ACAP2: variants seen among roughly 807,000 people sequenced by gnomAD.
ACAP2 encodes arf-GAP with coiled-coil, ANK repeat and PH domain-containing protein 2.
ACAP2 carries 39 observed loss-of-function variants against 115.8 expected under a neutral mutation model. The ratio of observed to expected loss-of-function variants is 0.34; its 90% confidence interval spans 0.26 to 0.44. ACAP2 has a LOEUF of 0.44. ACAP2 is among the 20% of genes least tolerant of loss of function. The pLI, the probability that ACAP2 is intolerant of heterozygous loss-of-function variation, is 1.00. For synonymous variants in ACAP2, 289 were observed against 315.8 expected, an observed-to-expected ratio of 0.92 and a Z score of 0.90; for missense variants, 662 against 927.6, an observed-to-expected ratio of 0.71 and a Z score of 3.72.
chr3:195,312,231 C>A (rs1262509725), intron 10 of ACAP2, among the ~76,000 whole-genome samples: 2 of 151,876 alleles, frequency 1.3e-5, no homozygotes, highest in Non-Finnish European at 2.9e-5. Context: ...CATGTAAGTG[C>A]CAAATAGGTA....
intron 1 of ACAP2, among the ~76,000 whole-genome samples, chr3:195,438,029 C>CTTT (rs1343731977): frequency 9.7e-6 from 1 of 103,258 alleles, no homozygotes; most frequent in Admixed American, 1.0e-4. Context: ...CAAGAATTTT[C>CTTT]TTTTTTTTTT....
rs11411412 is a variant in ACAP2, at chr3:195,337,446, C to CTTTTT, written c.529-475_529-471dup. Among the ~76,000 whole-genome samples the CTTTTT allele has an allele frequency of 4.3e-4, 56 of 131,518 alleles. No individual in the cohort carries two copies. In the Middle Eastern group the frequency reaches 0.016, roughly 37 times the overall value. 86.3% of individuals were successfully genotyped at this position (131,518 alleles called of 152,430 possible). On this transcript the variant is annotated intron_variant, in intron 6 of 22. Coordinates refer to ENST00000326793, the MANE Select transcript of ACAP2 (RefSeq NM_012287.6). Reference sequence around the variant, plus strand: ...CATTATACACACGGCAACCAGTCATCTTTTTTTTTTTTTTTTTTTGACACA... The same window carrying CTTTTT: ...CATTATACACACGGCAACCAGTCATCTTTTTTTTTTTTTTTTTTTTTTTTGACACA...
At chr3:195,318,953 G>A (rs79174975) in intron 10 of ACAP2, among the ~76,000 whole-genome samples, 3,497 of 152,242 alleles carry the variant, frequency 0.023, 136 homozygotes, top group African/African-American at 0.079. Context: ...AAACCTAGGA[G>A]GGAAAAAATA....
chr3:195,426,217 TTA>T (rs1714675584), intron 1 of ACAP2, among the ~76,000 whole-genome samples: 1 of 152,156 alleles, frequency 6.6e-6, no homozygotes, highest in African/African-American at 2.4e-5. Flanking sequence ...CCCTGAGGCT[TTA>T]ATCTACAAGC....
At position 195,275,794 on chromosome 3, in the gene ACAP2, G is replaced by A. The variant is rs1726167749; in HGVS notation, c.*3534C>T. ...TGAGAATCCAGTGAGATAAAGCAAT[G>A]CCAAGTACACTGTAAGTAGCAAAAC... On this transcript the variant is annotated 3_prime_UTR_variant, in exon 23 of 23. Transcript: ENST00000326793. 1 of 152,204 alleles carries A rather than the reference G, an allele frequency of 6.6e-6. No homozygotes were observed. The highest frequency in any genetic ancestry group is 2.4e-5 in the African/African-American group (1 of 41,432). The allele number at this position is 152,204 out of a possible 1,614,324, so 9.4% of individuals were successfully genotyped here. A position where few individuals can be genotyped will look rare whatever the true frequency, so the allele number is the denominator to read the frequency against.
chr3:195,427,648 T>C (rs547911952), intron 1 of ACAP2, among the ~76,000 whole-genome samples: 1 of 152,200 alleles, frequency 6.6e-6, no homozygotes, highest in African/African-American at 2.4e-5. Context: ...AGTGGCTCAC[T>C]CCTGTAATCC....
intron 6 of ACAP2, among the ~76,000 whole-genome samples, chr3:195,340,694 T>C (rs911594644): frequency 6.6e-6 from 1 of 152,112 alleles, no homozygotes; most frequent in African/African-American, 2.4e-5. Context: ...AATAGTCAAG[T>C]TGGTTAAAAA....
At chr3:195,376,206 C>T (rs1234293761) in intron 4 of ACAP2, among the ~76,000 whole-genome samples, 2 of 152,056 alleles carry the variant, frequency 1.3e-5, no homozygotes, top group African/African-American at 4.8e-5. Flanking sequence ...CCAGCCTGGC[C>T]AACATGGTGA....
intron 1 of ACAP2, among the ~76,000 whole-genome samples, chr3:195,401,504 A>C (rs549774600): frequency 6.6e-6 from 1 of 152,266 alleles, no homozygotes; most frequent in South Asian, 2.1e-4. Context: ...GTCTGTACTA[A>C]AAATACAAAA....
chr3:195,427,715 G>C (rs1485050320), intron 1 of ACAP2, among the ~76,000 whole-genome samples: 2 of 152,084 alleles, frequency 1.3e-5, no homozygotes, highest in African/African-American at 4.8e-5. Context: ...TTTGAGACCA[G>C]CCTGGGCAAC....
chr3:195,310,630 C>G (rs1728703712), intron 10 of ACAP2, among the ~76,000 whole-genome samples: 1 of 152,194 alleles, frequency 6.6e-6, no homozygotes, highest in Non-Finnish European at 1.5e-5. Flanking sequence ...TTTCACGCTT[C>G]TGAGGTCTTC....
intron 1 of ACAP2, among the ~76,000 whole-genome samples, chr3:195,436,297 G>A (rs759459902): frequency 1.3e-5 from 2 of 150,924 alleles, no homozygotes; most frequent in Admixed American, 6.6e-5. Flanking sequence ...CCCAGCCAAC[G>A]GTTTTTTTGT....
rs372811668 is a variant in ACAP2, at chr3:195,433,301, ATTGT to A, written c.53+9490_53+9493del. Among the ~76,000 whole-genome samples, 710 of 152,178 alleles carry A rather than the reference ATTGT, an allele frequency of 4.7e-3. 5 individuals are homozygous for A. The highest frequency in any genetic ancestry group is 0.016 in the African/African-American group (670 of 41,514). ...TTGTACTTTGTTATCGTTATTTTTT[ATTGT>A]TTTTTTCCAAAATATTCTCAATCCA... is the stretch of plus-strand genomic sequence containing the variant. On this transcript the variant is annotated intron_variant, in intron 1 of 22. Transcript: ENST00000326793.
At chr3:195,322,749 G>A (rs1729532327) in intron 9 of ACAP2, among the ~76,000 whole-genome samples, 6 of 152,164 alleles carry the variant, frequency 3.9e-5, no homozygotes, top group Admixed American at 3.9e-4. Flanking sequence ...TGTAACATCT[G>A]CAGTTTTTCA....
At chr3:195,347,725 G>A (rs1731275044) in intron 4 of ACAP2, among the ~76,000 whole-genome samples, 1 of 152,184 alleles carries the variant, frequency 6.6e-6, no homozygotes, top group African/African-American at 2.4e-5. Context: ...AATAAAATCA[G>A]GGCCAGGCAT....
Position 195,274,761 on chromosome 3 carries a change from T to C in ACAP2, c.*4567A>G, listed in dbSNP as rs1726137000. ...TGAAAGAACTAAGCCAGAGGTGAGA[T>C]CTTTATTGACTTATTGTAATTTTTT... On this transcript the variant is annotated 3_prime_UTR_variant, in exon 23 of 23. Coordinates refer to ENST00000326793, the MANE Select transcript of ACAP2 (RefSeq NM_012287.6). 1 of 152,570 alleles carries C rather than the reference T, an allele frequency of 6.6e-6. No individual in the cohort carries two copies. Among genetic ancestry groups the C allele is most frequent in the African/African-American group, 2.4e-5 (1 of 41,430 alleles). 9.5% of individuals were successfully genotyped at this position (152,570 alleles called of 1,614,324 possible).
intron 22 of ACAP2, chr3:195,285,523 T>C (rs1039904557): frequency 5.5e-6 from 2 of 360,438 alleles, no homozygotes; most frequent in African/African-American, 4.2e-5. Flanking sequence ...GTACAGCAAA[T>C]AAAGAAGTCA....
At chr3:195,389,554 C>T (rs927787734) in intron 2 of ACAP2, among the ~76,000 whole-genome samples, 6 of 151,944 alleles carry the variant, frequency 3.9e-5, no homozygotes, top group Non-Finnish European at 8.8e-5. Flanking sequence ...AAGGACTTGC[C>T]CCTCTACATA....
chr3:195,371,195 G>A (rs1733115487), intron 4 of ACAP2, among the ~76,000 whole-genome samples: 1 of 152,050 alleles, frequency 6.6e-6, no homozygotes, highest in Admixed American at 6.6e-5. Flanking sequence ...TATCCATGAG[G>A]ATTTAACATT....
Sources: allele counts gnomAD v4.1 joint callset (sites outside exome capture counted in the v4.1 genomes callset), GRCh38; gene constraint gnomAD v4.1.1; transcripts MANE v1.5; gene names NCBI Gene and HGNC (gene_info 2026-07-23, HGNC 2026-07-21).